MCF2: variants seen among roughly 807,000 people sequenced by gnomAD.
MCF2 encodes proto-oncogene DBL.
A neutral mutation model predicts 82.5 loss-of-function variants in MCF2; 44 were observed. That is an observed-to-expected ratio of 0.53 (90% confidence interval 0.42 to 0.69). MCF2 has a LOEUF of 0.69. MCF2 is among the 30% of genes least tolerant of loss of function. The probability of loss-of-function intolerance (pLI) is 0.00; values close to 1 mark genes in which losing one functional copy is unlikely to be tolerated. For missense variants in MCF2, 623 were observed against 663.1 expected, an observed-to-expected ratio of 0.94 and a Z score of 0.66; for synonymous variants, 217 against 224.9, an observed-to-expected ratio of 0.96 and a Z score of 0.32.
At chrX:139,671,921 C>T (rs1013235191) in intron 1 of MCF2, among the ~76,000 whole-genome samples, 2 of 111,544 alleles carry the variant, frequency 1.8e-5, no homozygotes, top group East Asian at 2.8e-4. Context: ...GCCATTTTCG[C>T]GATACTGATT....
In MCF2 at chrX:139,604,776, T is replaced by A. The variant is rs748829410; in HGVS notation, c.1674-26A>T. On this transcript the variant is annotated intron_variant, in intron 14 of 24. Transcript: ENST00000370576. ...CTGTGAAAATTTCAGAGAAAAAAAA[T>A]TGCATGATTTTATGTGAAATATAAT... The A allele has an allele frequency of 1.6e-5, 18 of 1,131,808 alleles. No individual in the cohort carries two copies. In the African/African-American group the frequency reaches 3.1e-4, roughly 19 times the overall value. 93.3% of individuals were successfully genotyped at this position (1,131,808 alleles called of 1,213,427 possible). A position where few individuals can be genotyped will look rare whatever the true frequency, so the allele number is the denominator to read the frequency against.
exon 7 of MCF2, chrX:139,619,620 T>A: frequency 8.6e-7 from 1 of 1,165,927 alleles, no homozygotes; most frequent in Non-Finnish European, 1.2e-6. Flanking sequence ...CCAATTTTTT[T>A]ATTTTTTGTT....
At chrX:139,660,668 T>C (rs918358889) in intron 1 of MCF2, among the ~76,000 whole-genome samples, 2 of 112,545 alleles carry the variant, frequency 1.8e-5, no homozygotes, top group Admixed American at 1.9e-4. Flanking sequence ...TGAATTCCCA[T>C]TGGACTACAG....
chrX:139,631,293 T>C (rs762693122), intron 3 of MCF2, 102 bp downstream of exon 6: 2 of 426,197 alleles, frequency 4.7e-6, no homozygotes, highest in African/African-American at 3.5e-5. Flanking sequence ...TTTTTTGTTT[T>C]GTTTTGTTTT....
chrX:139,585,292 C>T, intron 23 of MCF2, 114 bp from the exon 28 acceptor site: 1 of 485,538 alleles, frequency 2.1e-6, no homozygotes, highest in East Asian at 3.5e-5. Context: ...AATGGATTAA[C>T]CAATCTAATG....
At chrX:139,666,508 C>G (rs1305828936) in intron 1 of MCF2, among the ~76,000 whole-genome samples, 4 of 110,887 alleles carry the variant, frequency 3.6e-5, no homozygotes, top group Non-Finnish European at 7.6e-5. Context: ...TATTTTTTTT[C>G]TTTCAGCACT....
intron 1 of MCF2, among the ~76,000 whole-genome samples, chrX:139,696,124 G>A (rs1382121737): frequency 2.7e-5 from 3 of 111,105 alleles, no homozygotes. Context: ...AATGCCCTTG[G>A]ATGAAGTCTA....
intron 8 of MCF2, 69 bp from the exon 12 acceptor site, chrX:139,616,542 A>G: frequency 1.5e-6 from 1 of 645,303 alleles, no homozygotes; most frequent in Non-Finnish European, 2.2e-6. Context: ...TTGTCCAATA[A>G]GTGAGTGGTT....
chrX:139,687,069 C>CAA (rs1341313870), intron 1 of MCF2, among the ~76,000 whole-genome samples: 1 of 109,726 alleles, frequency 9.1e-6, no homozygotes, highest in African/African-American at 3.3e-5. Context: ...CACATACACA[C>CAA]ACACACACAT....
intron 1 of MCF2, among the ~76,000 whole-genome samples, chrX:139,655,161 T>TG (rs1441492648): frequency 1.8e-5 from 2 of 112,120 alleles, no homozygotes; most frequent in African/African-American, 6.5e-5. Context: ...TTAGAATTTT[T>TG]TACTATTTAT....
At chrX:139,650,322 G>T (rs1312932237) in intron 2 of MCF2, among the ~76,000 whole-genome samples, 4 of 111,283 alleles carry the variant, frequency 3.6e-5, no homozygotes. Flanking sequence ...CCACTGTACT[G>T]GAGCCTGGAC....
chrX:139,626,356 G>T lies in MCF2; in HGVS notation c.573-49C>A, dbSNP rs747796428. The stretch of plus-strand genomic sequence containing the variant: ...ATTCCTAAAAGCAACTATCTGTTTT[G>T]TAAGTATGTAGATAAGTGTGGTCTG... On this transcript the variant is annotated intron_variant, in intron 5 of 24. Coordinates refer to ENST00000370576, the Ensembl canonical transcript of MCF2. 6.4e-6 allele frequency: 5 copies of T among 782,520 alleles called. No homozygotes were observed. The East Asian group carries it at 1.3e-4, about 20-fold the overall frequency. 64.5% of individuals were successfully genotyped at this position (782,520 alleles called of 1,213,427 possible). A position where few individuals can be genotyped will look rare whatever the true frequency, so the allele number is the denominator to read the frequency against.
chrX:139,629,906 A>T, intron 3 of MCF2, 62 bp from the exon 7 acceptor site: 1 of 976,899 alleles, frequency 1.0e-6, no homozygotes, highest in Non-Finnish European at 1.4e-6. Context: ...CAAAAACTGG[A>T]TCAGTAAGTG....
chrX:139,631,621 T>C (rs1246343595), intron 2 of MCF2, 110 bp from the exon 6 acceptor site: 1 of 492,572 alleles, frequency 2.0e-6, no homozygotes, highest in Non-Finnish European at 3.7e-6. Flanking sequence ...CTCTGATAAA[T>C]GGTTTTAACA....
intron 1 of MCF2, among the ~76,000 whole-genome samples, chrX:139,639,788 T>G (rs1670059621): frequency 8.9e-6 from 1 of 112,171 alleles, no homozygotes; most frequent in African/African-American, 3.2e-5. Context: ...CTAGAATGTT[T>G]AAAGTAACTT....
chrX:139,676,133 T>C (rs753575034), intron 1 of MCF2, among the ~76,000 whole-genome samples: 1 of 112,781 alleles, frequency 8.9e-6, no homozygotes, highest in East Asian at 2.8e-4. Flanking sequence ...CTGAGCCAGG[T>C]GTGAGATATA....
chrX:139,675,509 G>A (rs1050139079), intron 1 of MCF2, among the ~76,000 whole-genome samples: 1 of 112,512 alleles, frequency 8.9e-6, no homozygotes, highest in South Asian at 3.7e-4. Flanking sequence ...TTTTGTTGAT[G>A]TTGACGCTAT....
chrX:139,608,241 TC>T (rs1456191315), intron 11 of MCF2, among the ~76,000 whole-genome samples: 3 of 110,154 alleles, frequency 2.7e-5, no homozygotes, highest in Non-Finnish European at 5.7e-5. Context: ...AGCTAGAAGA[TC>T]CTTTTCCTAA....
chrX:139,585,431 C>T (rs990029662), intron 23 of MCF2, among the ~76,000 whole-genome samples: 1 of 111,843 alleles, frequency 8.9e-6, no homozygotes, highest in East Asian at 2.8e-4. Context: ...ACTATGCTCT[C>T]TCCTTACTTC....
Sources: gnomAD v4.1 joint callset for allele counts (sites outside exome capture counted in the v4.1 genomes callset) on GRCh38, gnomAD v4.1.1 for gene constraint, MANE v1.5 for transcripts, NCBI Gene and HGNC (gene_info 2026-07-23, HGNC 2026-07-21) for gene names.